ZNF787: variants seen among roughly 807,000 people sequenced by gnomAD.
ZNF787 encodes TTF-I-interacting peptide 20.
Under a neutral mutation model 16.9 loss-of-function variants are expected in ZNF787, and 7 were observed. The observed-to-expected ratio is 0.42, with a 90% CI of 0.24 to 0.78. The LOEUF (loss-of-function observed/expected upper bound fraction) is 0.78, where lower values mean the gene tolerates loss of function less well. Ranked by LOEUF, ZNF787 falls within the 30% of genes least tolerant of loss-of-function variation. The pLI is 0.30. For synonymous variants in ZNF787, 345 were observed against 270.9 expected, an observed-to-expected ratio of 1.27 and a Z score of -2.69; for missense variants, 551 against 589.3, an observed-to-expected ratio of 0.94 and a Z score of 0.67.
chr19:56,103,639 G>C (rs190144402), intron 1 of ZNF787, among the ~76,000 whole-genome samples: 2 of 152,340 alleles, frequency 1.3e-5, no homozygotes, highest in African/African-American at 4.8e-5. Flanking sequence ...GCCAAACAGG[G>C]ACTGGAGTTC....
In ZNF787 at chr19:56,097,284, G is replaced by A. The variant is rs1270253632; in HGVS notation, c.79+5855C>T. Among the ~76,000 whole-genome samples, 5 of 152,340 alleles carry A rather than the reference G, an allele frequency of 3.3e-5. No individual in the cohort carries two copies. In the East Asian group the frequency reaches 9.6e-4, roughly 29 times the overall value. ...CTACCAGTATTAGCTCAGAGGATCT[G>A]AACACACCTCCCAGAAATACTCAAA... is the stretch of plus-strand genomic sequence containing the variant. On this transcript the variant is annotated intron_variant, in intron 2 of 2. Transcript: ENST00000610935.
chr19:56,112,407 C>T (rs1033034512), intron 1 of ZNF787, among the ~76,000 whole-genome samples: 7 of 152,266 alleles, frequency 4.6e-5, no homozygotes, highest in African/African-American at 9.6e-5. Context: ...ACCTGGAGCA[C>T]GGGCAGGGGT....
At chr19:56,120,833 G>A (rs1431753582) in intron 1 of ZNF787, among the ~76,000 whole-genome samples, 7 of 147,234 alleles carry the variant, frequency 4.8e-5, no homozygotes, top group South Asian at 2.2e-4. Context: ...GCAGCAGAGG[G>A]ACCCCCACCG....
At chr19:56,091,119 G>A (rs1985557464) in intron 2 of ZNF787, among the ~76,000 whole-genome samples, 1 of 152,236 alleles carries the variant, frequency 6.6e-6, no homozygotes, top group South Asian at 2.1e-4. Flanking sequence ...ACTTAAAGAT[G>A]TAGAGAGAAT....
intron 2 of ZNF787, among the ~76,000 whole-genome samples, chr19:56,097,467 C>G (rs541799936): frequency 6.6e-6 from 1 of 152,346 alleles, no homozygotes; most frequent in African/African-American, 2.4e-5. Flanking sequence ...TCACGCCCAC[C>G]ACAGGCCACG....
chr19:56,116,355 T>A (rs954965931), intron 1 of ZNF787, among the ~76,000 whole-genome samples: 2 of 151,880 alleles, frequency 1.3e-5, no homozygotes, highest in Admixed American at 1.3e-4. Context: ...GGCAGGAGAA[T>A]GGCATAAACC....
At chr19:56,117,263 G>C (rs896314643) in intron 1 of ZNF787, among the ~76,000 whole-genome samples, 1 of 152,040 alleles carries the variant, frequency 6.6e-6, no homozygotes, top group African/African-American at 2.4e-5. Context: ...GAGCCACAGC[G>C]AGGCTTTCAA....
chr19:56,105,886 G>A (rs1012818593), intron 1 of ZNF787, among the ~76,000 whole-genome samples: 57 of 84,234 alleles, frequency 6.8e-4, no homozygotes, highest in Non-Finnish European at 1.1e-3. Flanking sequence ...GCATTCCCCC[G>A]GCCGCGCCCA....
chr19:56,115,286 A>G (rs2030098372), intron 1 of ZNF787, among the ~76,000 whole-genome samples: 1 of 151,220 alleles, frequency 6.6e-6, no homozygotes. Flanking sequence ...ACGCAGAGGG[A>G]AGCCGTTGTC....
At position 56,105,388 on chromosome 19, in the gene ZNF787, C is replaced by T. The variant is rs1599951748; in HGVS notation, c.-10-2161G>A. 2.6e-5 allele frequency: 4 copies of T among 152,182 alleles called. No individual in the cohort carries two copies. In the East Asian group the frequency reaches 7.7e-4, roughly 29 times the overall value. The allele number at this position is 152,182 out of a possible 1,614,324, so 9.4% of individuals were successfully genotyped here. ...ACACAGGGCTGCCAACTTCGACAGC[C>T]GAATAAGGGCAATTTAAAAAAACGT... On this transcript the variant is annotated intron_variant, in intron 1 of 2. Transcript: ENST00000610935.
intron 2 of ZNF787, among the ~76,000 whole-genome samples, chr19:56,092,995 C>A (rs1467150503): frequency 6.8e-6 from 1 of 147,922 alleles, no homozygotes; most frequent in African/African-American, 2.5e-5. Context: ...AAGTGGGATA[C>A]CCCATAGACA....
intron 1 of ZNF787, among the ~76,000 whole-genome samples, chr19:56,105,179 GCT>G (rs1986254551): frequency 6.6e-6 from 1 of 151,896 alleles, no homozygotes; most frequent in Non-Finnish European, 1.5e-5. Flanking sequence ...AATGAAACAG[GCT>G]CTGAGGCAGC....
In ZNF787 at chr19:56,088,413, G is replaced by A. The variant is rs1985431236; in HGVS notation, c.759C>T (p.Ala253=). 16 of 1,135,342 alleles carry A rather than the reference G, an allele frequency of 1.4e-5. No individual in the cohort carries two copies. Among genetic ancestry groups the A allele is most frequent in the East Asian group, 4.7e-5 (1 of 21,498 alleles). The allele number at this position is 1,135,342 out of a possible 1,614,324, so 70.3% of individuals were successfully genotyped here. The change falls in exon 3 of 3, where the codon GCC becomes GCT. Residue 253 remains alanine (A), a synonymous_variant. Coordinates refer to ENST00000610935, the MANE Select transcript of ZNF787 (RefSeq NM_001002836.4). The surrounding 1 kb of genome is among the most constrained non-coding windows in gnomAD (Gnocchi z 8.6). ...CGCCCGCCATGGCTGCCGCGGCCGC[G>A]GCCCCCTCGCCCGGCGCGCCCACCA... ...IIVVGAPGEG[A]AAAAAMAGAG...
chr19:56,114,214 G>C (rs915383509), intron 1 of ZNF787, among the ~76,000 whole-genome samples: 4 of 152,162 alleles, frequency 2.6e-5, no homozygotes, highest in South Asian at 4.1e-4. Context: ...TCGCTGTGCA[G>C]TGCACTGCTC....
chr19:56,108,351 C>A (rs528173134), intron 1 of ZNF787, among the ~76,000 whole-genome samples: 5 of 142,226 alleles, frequency 3.5e-5, no homozygotes, highest in Admixed American at 3.4e-4. Context: ...CCCTCCACCC[C>A]GCCCCTGCCC....
At chr19:56,093,013 T>A (rs533419904) in intron 2 of ZNF787, among the ~76,000 whole-genome samples, 4 of 144,880 alleles carry the variant, frequency 2.8e-5, no homozygotes, top group Non-Finnish European at 6.0e-5. Context: ...ACACAGGAGG[T>A]GGCGGAAGTG....
At chr19:56,102,000 T>A (rs1053586264) in intron 2 of ZNF787, 1 of 152,144 alleles carries the variant, frequency 6.6e-6, no homozygotes, top group African/African-American at 2.4e-5. Context: ...AAAACCCCCA[T>A]CATAGTTTCT....
chr19:56,091,965 C>T (rs1364378902), intron 2 of ZNF787, among the ~76,000 whole-genome samples: 1 of 151,782 alleles, frequency 6.6e-6, no homozygotes, highest in African/African-American at 2.4e-5. Flanking sequence ...AAACCGAAAC[C>T]GAAGCCAAAG....
At chr19:56,099,895 C>T (rs1480268798) in intron 2 of ZNF787, among the ~76,000 whole-genome samples, 4 of 151,968 alleles carry the variant, frequency 2.6e-5, no homozygotes, top group South Asian at 2.1e-4. Context: ...TTCTCGCTCC[C>T]GTCAAGCCAG....
Sources: gnomAD v4.1 joint callset for allele counts (sites outside exome capture counted in the v4.1 genomes callset) on GRCh38, gnomAD v4.1.1 for gene constraint, Gnocchi (gnomAD v3.1) non-coding constraint, MANE v1.5 for transcripts, NCBI Gene and HGNC (gene_info 2026-07-23, HGNC 2026-07-21) for gene names.